The following PCDHA13 variants were observed in gnomAD, a reference collection of about 807,000 sequenced individuals.
PCDHA13 encodes the protein protocadherin alpha-13.
PCDHA13 carries 54 observed loss-of-function variants against 64.8 expected under a neutral mutation model. The observed-to-expected ratio is 0.83, with a 90% CI of 0.67 to 1.04. The LOEUF is 1.04. Ranked by LOEUF, PCDHA13 falls within the 50% of genes least tolerant of loss-of-function variation. PCDHA13 has a pLI of 0.00. For synonymous variants in PCDHA13, 587 were observed against 564.4 expected (o/e 1.04, Z -0.57); for missense variants, 1,248 against 1,254.3 (o/e 0.99, Z 0.08).
chr5:140,994,528 C>T (rs1331400819), intron 3 of PCDHA13, among the ~76,000 whole-genome samples: 1 of 137,784 alleles, frequency 7.3e-6, no homozygotes, highest in Non-Finnish European at 1.5e-5. Flanking sequence ...CATGGCAAAA[C>T]CCCATCTCTA....
chr5:140,883,596 T>C lies in PCDHA13; in HGVS notation c.1328T>C (p.Val443Ala). 1.2e-6 allele frequency: 2 copies of C among 1,613,794 alleles called. No individual in the cohort carries two copies. Among genetic ancestry groups the C allele is most frequent in the East Asian group, 4.5e-5 (2 of 44,862 alleles). ...CTGTGGGCCACGGCCAGCGTGTCGG[T>C]GGGGGTGGCCGACGTGAACGACAAC... ...PSLWATASVS[V>A]GVADVNDNAP... The change falls in exon 1 of 4, where the codon GTG becomes GCG. Residue 443 changes from valine (V) to alanine (A), a missense_variant. Transcript: ENST00000289272.
chr5:140,941,202 C>CCTTCCTTT (rs1554213920), intron 1 of PCDHA13, among the ~76,000 whole-genome samples: 107 of 122,824 alleles, frequency 8.7e-4, no homozygotes, highest in Admixed American at 4.2e-3. Flanking sequence ...TTTCTTTCTT[C>CCTTCCTTT]CTTTCTTTCT....
intron 1 of PCDHA13, chr5:140,969,338 C>G: frequency 1.1e-5 from 18 of 1,613,914 alleles, no homozygotes; most frequent in Non-Finnish European, 1.4e-5. Context: ...TGAGGTGAGA[C>G]AGTGGTCAGG....
Position 140,882,649 on chromosome 5 carries a change from C to G in PCDHA13, c.381C>G (p.Asn127Lys), listed in dbSNP as rs559940161. The G allele has an allele frequency of 3.7e-6, 6 of 1,614,096 alleles. No homozygotes were observed. In the Admixed American group the frequency reaches 1.0e-4, roughly 27 times the overall value. The change falls in exon 1 of 4, where the codon AAC (asparagine) becomes AAG (lysine). Residue 127 changes from asparagine (N) to lysine (K), a missense_variant. Physicochemically the swap from Asn to Lys is moderately conservative, Grantham distance 94 (BLOSUM62 0). Coordinates refer to ENST00000289272, the MANE Select transcript of PCDHA13 (RefSeq NM_018904.3). ...FHVEVKVRDI[N>K]DNPPIFPESK... ...TGGAGGTGAAGGTGAGGGACATTAACGACAACCCGCCCATATTCCCTGAAA... is the reference window on the plus strand; with the variant it reads ...TGGAGGTGAAGGTGAGGGACATTAAGGACAACCCGCCCATATTCCCTGAAA...
At chr5:140,888,551 T>G (rs2061873493) in intron 1 of PCDHA13, among the ~76,000 whole-genome samples, 1 of 152,240 alleles carries the variant, frequency 6.6e-6, no homozygotes, top group Admixed American at 6.5e-5. Flanking sequence ...TACCAATTTA[T>G]TCCTTTCAAG....
chr5:140,902,024 C>T (rs1554190174), intron 1 of PCDHA13, among the ~76,000 whole-genome samples: 5 of 152,016 alleles, frequency 3.3e-5, no homozygotes, highest in Non-Finnish European at 1.5e-5. Flanking sequence ...TATAGAAATA[C>T]TACTAATTTT....
intron 1 of PCDHA13, among the ~76,000 whole-genome samples, chr5:140,910,365 A>G (rs1554194228): frequency 6.6e-6 from 1 of 152,164 alleles, no homozygotes; most frequent in Non-Finnish European, 1.5e-5. Flanking sequence ...TATGGTAGCT[A>G]TGCCCACCTT....
At chr5:140,982,650 CTCTTTT>C (rs2096993978) in intron 3 of PCDHA13, 87 bp downstream of exon 3, 1 of 1,507,000 alleles carries the variant, frequency 6.6e-7, no homozygotes, top group South Asian at 1.3e-5. Context: ...ATGTTGATGG[CTCTTTT>C]TCTTTTATAT....
At chr5:140,978,711 C>G (rs1306070484) in intron 1 of PCDHA13, among the ~76,000 whole-genome samples, 2 of 152,238 alleles carry the variant, frequency 1.3e-5, no homozygotes, top group Non-Finnish European at 2.9e-5. Flanking sequence ...GTGGCCTTTA[C>G]AAGATTATTA....
chr5:140,950,668 T>C (rs185130303), intron 1 of PCDHA13, among the ~76,000 whole-genome samples: 5 of 152,238 alleles, frequency 3.3e-5, no homozygotes, highest in African/African-American at 9.6e-5. Flanking sequence ...TTATCAAACA[T>C]GTACATGTAT....
At chr5:140,907,915 C>T (rs1554193177) in intron 1 of PCDHA13, among the ~76,000 whole-genome samples, 1 of 152,234 alleles carries the variant, frequency 6.6e-6, no homozygotes, top group Admixed American at 6.5e-5. Context: ...TTTGACCACT[C>T]AGAGAGGTCC....
chr5:140,987,011 C>T (rs1266225593), intron 3 of PCDHA13, among the ~76,000 whole-genome samples: 2 of 152,104 alleles, frequency 1.3e-5, no homozygotes, highest in African/African-American at 4.8e-5. Context: ...GTCATGAGTT[C>T]GAGACCAGCC....
At chr5:140,898,466 T>C (rs1331469917) in intron 1 of PCDHA13, among the ~76,000 whole-genome samples, 1 of 152,202 alleles carries the variant, frequency 6.6e-6, no homozygotes, top group Admixed American at 6.5e-5. Context: ...CCATTGCTTG[T>C]TTTTCTCAGG....
At position 140,961,643 on chromosome 5, in the gene PCDHA13, A is replaced by G. The variant is rs533824470; in HGVS notation, c.2395-17306A>G. Reference sequence around the variant, plus strand: ...CCATATGAAAAACAATCTTAAGTCTATGTGGTTAGTTTGAAGTTACCAGTT... The same window carrying G: ...CCATATGAAAAACAATCTTAAGTCTGTGTGGTTAGTTTGAAGTTACCAGTT... On this transcript the variant is annotated intron_variant, in intron 1 of 3. Coordinates refer to ENST00000289272, the MANE Select transcript of PCDHA13 (RefSeq NM_018904.3). Among the ~76,000 whole-genome samples the G allele has an allele frequency of 7.2e-5, 11 of 152,324 alleles. No homozygotes were observed. The East Asian group carries it at 1.9e-3, about 27-fold the overall frequency.
intron 1 of PCDHA13, among the ~76,000 whole-genome samples, chr5:140,903,450 T>A (rs2070311741): frequency 2.6e-5 from 4 of 152,202 alleles, no homozygotes; most frequent in Admixed American, 1.3e-4. Flanking sequence ...ATTCATCTGA[T>A]CAAACTTAAA....
At chr5:141,001,794 T>C (rs2098037139) in intron 3 of PCDHA13, among the ~76,000 whole-genome samples, 1 of 152,184 alleles carries the variant, frequency 6.6e-6, no homozygotes, top group Non-Finnish European at 1.5e-5. Flanking sequence ...CCTGAGTATA[T>C]ACTATCATTC....
chr5:140,972,919 C>T (rs1231455019), intron 1 of PCDHA13, among the ~76,000 whole-genome samples: 1 of 152,078 alleles, frequency 6.6e-6, no homozygotes, highest in African/African-American at 2.4e-5. Flanking sequence ...GCCTTGGCCT[C>T]CCAAAGTGCT....
intron 1 of PCDHA13, among the ~76,000 whole-genome samples, chr5:140,970,594 T>C (rs975404675): frequency 6.6e-6 from 1 of 152,206 alleles, no homozygotes; most frequent in Admixed American, 6.5e-5. Flanking sequence ...ATATGCTTTG[T>C]GATACTTAAA....
In PCDHA13 at chr5:140,976,792, T is replaced by C. The variant is rs982135806; in HGVS notation, c.2395-2157T>C. 2.1e-4 allele frequency among the ~76,000 whole-genome samples: 32 copies of C among 152,216 alleles called. 1 individual carries two copies. The highest frequency in any genetic ancestry group is 1.0e-3 in the Admixed American group (16 of 15,274). ...AGACTCTGACTATATAGCTACGCTT[T>C]TATGAATATCTGAAGATATGCATGT... On this transcript the variant is annotated intron_variant, in intron 1 of 3. Coordinates refer to ENST00000289272, the MANE Select transcript of PCDHA13 (RefSeq NM_018904.3).
Sources: allele counts gnomAD v4.1 joint callset (sites outside exome capture counted in the v4.1 genomes callset), GRCh38; gene constraint gnomAD v4.1.1; transcripts MANE v1.5; gene names NCBI Gene and HGNC (gene_info 2026-07-23, HGNC 2026-07-21).